The following GALNT7 variants were observed in gnomAD, a reference collection of about 807,000 sequenced individuals.
GALNT7 encodes the protein polypeptide N-acetylgalactosaminyltransferase 7, also known as N-acetylgalactosaminyltransferase 7.
A neutral mutation model predicts 82.1 loss-of-function variants in GALNT7; 60 were observed. The ratio of observed to expected loss-of-function variants is 0.73; its 90% CI spans 0.59 to 0.91. GALNT7 has a LOEUF of 0.91. Ranked by LOEUF, GALNT7 falls within the 40% of genes least tolerant of loss-of-function variation. The pLI is 0.00. For synonymous variants in GALNT7, 243 were observed against 275.1 expected (o/e 0.88, Z 1.15); for missense variants, 660 against 804.2 (o/e 0.82, Z 2.17).
chr4:173,233,874 C>T (rs963805562), intron 1 of GALNT7, among the ~76,000 whole-genome samples: 1 of 152,174 alleles, frequency 6.6e-6, no homozygotes. Context: ...CATATTTCTT[C>T]CAGCTGCCTC....
intron 1 of GALNT7, among the ~76,000 whole-genome samples, chr4:173,215,947 TAAAAATAA>T (rs773400962): frequency 6.6e-6 from 1 of 151,846 alleles, no homozygotes; most frequent in Non-Finnish European, 1.5e-5. Flanking sequence ...CTTCTCTCTC[TAAAAATAA>T]AAAAATAAAA....
intron 2 of GALNT7, among the ~76,000 whole-genome samples, chr4:173,249,179 G>T (rs575910799): frequency 6.6e-6 from 1 of 152,288 alleles, no homozygotes; most frequent in South Asian, 2.1e-4. Flanking sequence ...TTTCATTAAT[G>T]TAGTTGGAAA....
At chr4:173,194,273 G>A (rs1176288435) in intron 1 of GALNT7, among the ~76,000 whole-genome samples, 1 of 152,116 alleles carries the variant, frequency 6.6e-6, no homozygotes, top group East Asian at 1.9e-4. Flanking sequence ...TTATACAGAG[G>A]CATTCTTTGT....
intron 2 of GALNT7, among the ~76,000 whole-genome samples, chr4:173,277,522 T>C (rs1362967297): frequency 6.6e-6 from 1 of 152,212 alleles, no homozygotes; most frequent in Non-Finnish European, 1.5e-5. Flanking sequence ...AGGTGTGCAC[T>C]CTGAGTCCAT....
intron 1 of GALNT7, among the ~76,000 whole-genome samples, chr4:173,220,319 C>T (rs1006034897): frequency 1.3e-5 from 2 of 152,064 alleles, no homozygotes; most frequent in Non-Finnish European, 2.9e-5. Context: ...GGCTTTATTT[C>T]TGGGTTTTCT....
chr4:173,284,368 C>A (rs1400213032), intron 2 of GALNT7, among the ~76,000 whole-genome samples: 1 of 152,202 alleles, frequency 6.6e-6, no homozygotes, highest in Non-Finnish European at 1.5e-5. Flanking sequence ...CCCAACATAA[C>A]AACCTTAATT....
chr4:173,249,714 A>G (rs1734783754), intron 2 of GALNT7, among the ~76,000 whole-genome samples: 1 of 152,222 alleles, frequency 6.6e-6, no homozygotes, highest in Non-Finnish European at 1.5e-5. Context: ...TGCATGGGAC[A>G]TACTTAAAAA....
intron 2 of GALNT7, among the ~76,000 whole-genome samples, chr4:173,285,603 C>G (rs956481589): frequency 2.6e-5 from 4 of 152,210 alleles, no homozygotes; most frequent in South Asian, 2.1e-4. Context: ...AAAGGTACCA[C>G]AGCTTTTACT....
rs551166284 is a variant in GALNT7, at chr4:173,269,800, T to C, written c.587+21360T>C. 5.3e-5 allele frequency among the ~76,000 whole-genome samples: 8 copies of C among 152,300 alleles called. No individual in the cohort carries two copies. In the South Asian group the frequency reaches 1.7e-3, roughly 32 times the overall value. ...ATTGCACCTGTTTCTTACTTCAATC[T>C]TGGTCTCAAAGAAATATACAACAAA... is the stretch of plus-strand genomic sequence containing the variant. On this transcript the variant is annotated intron_variant, in intron 2 of 11. Coordinates refer to ENST00000265000, the MANE Select transcript of GALNT7 (RefSeq NM_017423.3).
intron 2 of GALNT7, among the ~76,000 whole-genome samples, chr4:173,250,938 A>T (rs1223813471): frequency 3.9e-5 from 6 of 151,954 alleles, no homozygotes; most frequent in Admixed American, 3.3e-4. Flanking sequence ...TTCTCTAACC[A>T]TGCTGTCTAA....
intron 8 of GALNT7, 59 bp downstream of exon 8, chr4:173,304,177 T>G (rs1449774273): frequency 6.9e-7 from 1 of 1,444,754 alleles, no homozygotes; most frequent in African/African-American, 1.4e-5. Flanking sequence ...CCACATGCTA[T>G]AGTAGTTACT....
intron 1 of GALNT7, among the ~76,000 whole-genome samples, chr4:173,231,025 T>C (rs1053847324): frequency 6.6e-6 from 1 of 152,218 alleles, no homozygotes; most frequent in Admixed American, 6.5e-5. Flanking sequence ...AGCGATAGTT[T>C]GAACATCTAA....
intron 1 of GALNT7, among the ~76,000 whole-genome samples, chr4:173,235,138 T>C (rs939220626): frequency 2.0e-5 from 3 of 152,252 alleles, no homozygotes; most frequent in Admixed American, 2.0e-4. Context: ...ACTACTGCTG[T>C]CTATTCTGGA....
intron 1 of GALNT7, among the ~76,000 whole-genome samples, chr4:173,176,262 G>A (rs1394017317): frequency 1.3e-5 from 2 of 152,176 alleles, no homozygotes; most frequent in African/African-American, 4.8e-5. Context: ...AATGAGGCTG[G>A]AGTATTTGAA....
In GALNT7 at chr4:173,301,943, C is replaced by G. The variant is rs1198430399; in HGVS notation, c.1149-104C>G. On this transcript the variant is annotated intron_variant, in intron 6 of 11. Transcript: ENST00000265000. ...TAATGTTTGGCCATCAGTTTTGTCT[C>G]TTCTATGCATTTTCAGGCTGTATTC... 7 of 653,454 alleles carry G rather than the reference C, an allele frequency of 1.1e-5. No homozygotes were observed. In the Admixed American group the frequency reaches 1.8e-4, roughly 17 times the overall value. 40.5% of individuals were successfully genotyped at this position (653,454 alleles called of 1,614,324 possible).
At chr4:173,182,006 G>C (rs1395476095) in intron 1 of GALNT7, among the ~76,000 whole-genome samples, 1 of 152,194 alleles carries the variant, frequency 6.6e-6, no homozygotes, top group East Asian at 1.9e-4. Flanking sequence ...TGTTTTGTAA[G>C]AAGCAGTTAT....
intron 1 of GALNT7, among the ~76,000 whole-genome samples, chr4:173,216,931 A>G (rs1733490887): frequency 6.6e-6 from 1 of 151,028 alleles, no homozygotes; most frequent in African/African-American, 2.4e-5. Flanking sequence ...AGGTTTCACC[A>G]TGTTGGCCAG....
chr4:173,183,254 CT>C (rs1424943367), intron 1 of GALNT7, among the ~76,000 whole-genome samples: 3 of 151,956 alleles, frequency 2.0e-5, no homozygotes, highest in African/African-American at 7.3e-5. Flanking sequence ...TGTGCACCCC[CT>C]CCCACTATTC....
chr4:173,279,636 G>A (rs528142814), intron 2 of GALNT7, among the ~76,000 whole-genome samples: 1 of 152,262 alleles, frequency 6.6e-6, no homozygotes, highest in Non-Finnish European at 1.5e-5. Context: ...ATGAGCAAAA[G>A]AGGTTTTAGA....
Sources: allele counts gnomAD v4.1 joint callset (sites outside exome capture counted in the v4.1 genomes callset), GRCh38; gene constraint gnomAD v4.1.1; transcripts MANE v1.5; gene names NCBI Gene and HGNC (gene_info 2026-07-23, HGNC 2026-07-21).